Variants in GLIS3 observed in about 807,000 individuals in gnomAD.
GLIS3 encodes the protein GLIS family zinc finger 3.
A neutral mutation model predicts 78.6 loss-of-function variants in GLIS3; 53 were observed. That is an observed-to-expected ratio of 0.67 (90% confidence interval 0.54 to 0.85). GLIS3 has a LOEUF of 0.85. Ranked by LOEUF, GLIS3 falls within the 40% of genes least tolerant of loss-of-function variation. The pLI, the probability that GLIS3 is intolerant of heterozygous loss-of-function variation, is 0.00. For missense variants in GLIS3, 1,703 were observed against 1,231.1 expected (o/e 1.38, Z -5.74); for synonymous variants, 684 against 509.9 (o/e 1.34, Z -4.60).
At chr9:4,173,348 C>A (rs1471454031) in intron 2 of GLIS3, among the ~76,000 whole-genome samples, 1 of 152,044 alleles carries the variant, frequency 6.6e-6, no homozygotes, top group Non-Finnish European at 1.5e-5. Flanking sequence ...TCTCCTTTTT[C>A]TTTCACCCTT....
intron 4 of GLIS3, among the ~76,000 whole-genome samples, chr9:4,038,420 G>A (rs1346505467): frequency 1.3e-5 from 2 of 152,138 alleles, no homozygotes; most frequent in Non-Finnish European, 2.9e-5. Flanking sequence ...GATGATAAAG[G>A]CCATTCTGGA....
At chr9:3,843,740 G>A (rs529919441) in intron 9 of GLIS3, among the ~76,000 whole-genome samples, 1 of 152,304 alleles carries the variant, frequency 6.6e-6, no homozygotes, top group South Asian at 2.1e-4. Context: ...CAGATCCACA[G>A]ATGCAAAGAA....
At chr9:4,171,460 G>A (rs1380238468) in intron 2 of GLIS3, among the ~76,000 whole-genome samples, 1 of 151,920 alleles carries the variant, frequency 6.6e-6, no homozygotes, top group Admixed American at 6.6e-5. Flanking sequence ...TTTTAGTGTC[G>A]AAAGAAAGAA....
the GLIS3 span, among the ~76,000 whole-genome samples, chr9:4,385,199 C>G: frequency 9.0e-3 from 1,364 of 152,318 alleles, 16 homozygotes; most frequent in African/African-American, 0.031. Flanking sequence ...TCTGCATTCC[C>G]TTCGATTTCC....
At chr9:4,214,753 G>C (rs1820671849) in intron 2 of GLIS3, among the ~76,000 whole-genome samples, 1 of 152,154 alleles carries the variant, frequency 6.6e-6, no homozygotes, top group Non-Finnish European at 1.5e-5. Flanking sequence ...ATTTTCCTTA[G>C]CTACTGTGGC....
intron 6 of GLIS3, among the ~76,000 whole-genome samples, chr9:3,910,946 G>A (rs1463110291): frequency 2.0e-5 from 3 of 152,162 alleles, no homozygotes; most frequent in Non-Finnish European, 4.4e-5. Flanking sequence ...TGGCCTACAT[G>A]TAAATGACAT....
At chr9:3,878,102 C>A (rs889990827) in intron 8 of GLIS3, among the ~76,000 whole-genome samples, 15 of 152,150 alleles carry the variant, frequency 9.9e-5, no homozygotes, top group African/African-American at 3.6e-4. Context: ...TGGATATGTT[C>A]TTCTTGCTGC....
At chr9:4,086,820 G>A (rs1410759484) in intron 4 of GLIS3, among the ~76,000 whole-genome samples, 1 of 152,202 alleles carries the variant, frequency 6.6e-6, no homozygotes, top group Non-Finnish European at 1.5e-5. Context: ...CCCCTGTGGA[G>A]ATTAATCTCT....
rs949758174 is a variant in GLIS3 at position 3,824,666 on chromosome 9, C to T, written c.*3606G>A. The T allele has an allele frequency of 7.2e-5, 11 of 152,482 alleles. No homozygotes were observed. The highest frequency in any genetic ancestry group is 2.4e-4 in the African/African-American group (10 of 41,376). The allele number at this position is 152,482 out of a possible 1,614,324, so 9.4% of individuals were successfully genotyped here. On this transcript the variant is annotated 3_prime_UTR_variant, in exon 11 of 11. Coordinates refer to ENST00000381971, the MANE Select transcript of GLIS3 (RefSeq NM_001042413.2). ...TCTTTAAAAGATTTATGACAATAAG[C>T]ACCAGATGTGCCTCTAGAGTAAAAT...
At chr9:4,057,985 T>G (rs2130532735) in intron 4 of GLIS3, among the ~76,000 whole-genome samples, 1 of 152,258 alleles carries the variant, frequency 6.6e-6, no homozygotes, top group Non-Finnish European at 1.5e-5. Flanking sequence ...TTATTCTGGG[T>G]TTTAGAACTC....
intron 4 of GLIS3, among the ~76,000 whole-genome samples, chr9:4,038,400 T>C (rs990661335): frequency 5.3e-5 from 8 of 152,092 alleles, no homozygotes; most frequent in African/African-American, 1.4e-4. Context: ...ATTGGAAAAA[T>C]TGTCATCAAG....
intron 4 of GLIS3, among the ~76,000 whole-genome samples, chr9:4,032,923 G>A (rs1025448108): frequency 6.6e-6 from 1 of 151,390 alleles, no homozygotes; most frequent in Non-Finnish European, 1.5e-5. Flanking sequence ...GCGCAATCTC[G>A]GCTCACTGCA....
intron 2 of GLIS3, among the ~76,000 whole-genome samples, chr9:4,155,886 G>T (rs1452969677): frequency 6.6e-6 from 1 of 152,134 alleles, no homozygotes; most frequent in Admixed American, 6.5e-5. Context: ...CCTCTGCTGT[G>T]GGAACCACTG....
intron 2 of GLIS3, among the ~76,000 whole-genome samples, chr9:4,325,379 T>G (rs563993429): frequency 3.1e-4 from 47 of 152,330 alleles, no homozygotes; most frequent in African/African-American, 1.1e-3. Flanking sequence ...GCATAATGTT[T>G]GGACAAACAT....
At chr9:3,988,328 A>G (rs1381068305) in intron 4 of GLIS3, among the ~76,000 whole-genome samples, 1 of 152,248 alleles carries the variant, frequency 6.6e-6, no homozygotes, top group Non-Finnish European at 1.5e-5. Flanking sequence ...ATCCTGGCAC[A>G]TCAAGAAGGA....
At chr9:3,829,600 C>G in intron 9 of GLIS3, 108 bp from the exon 10 acceptor site, 1 of 1,092,648 alleles carries the variant, frequency 9.2e-7, no homozygotes, top group South Asian at 1.3e-5. Flanking sequence ...AGACAAATGC[C>G]TTTAACTCTT....
At chr9:4,447,486 T>C in the GLIS3 span, among the ~76,000 whole-genome samples, 1 of 152,160 alleles carries the variant, frequency 6.6e-6, no homozygotes. Flanking sequence ...ATTCTCACAA[T>C]GTCTTGCATG....
At chr9:4,439,281 C>T in the GLIS3 span, among the ~76,000 whole-genome samples, 1 of 152,212 alleles carries the variant, frequency 6.6e-6, no homozygotes, top group Non-Finnish European at 1.5e-5. Flanking sequence ...ATACAATTCA[C>T]ACACTTAAAA....
intron 2 of GLIS3, among the ~76,000 whole-genome samples, chr9:4,186,913 AG>A (rs1330551158): frequency 6.6e-6 from 1 of 152,160 alleles, no homozygotes; most frequent in Non-Finnish European, 1.5e-5. Context: ...TCAGATGAGT[AG>A]GTTGGGAAAA....
Sources: allele counts gnomAD v4.1 joint callset (sites outside exome capture counted in the v4.1 genomes callset), GRCh38; gene constraint gnomAD v4.1.1; transcripts MANE v1.5; gene names NCBI Gene and HGNC (gene_info 2026-07-23, HGNC 2026-07-21).